Variants in TIMELESS observed in about 807,000 individuals in gnomAD.
The protein encoded by TIMELESS is timeless circadian regulator.
TIMELESS carries 124 observed loss-of-function variants against 164.3 expected under a neutral mutation model. That is an observed-to-expected ratio of 0.75 (90% CI 0.65 to 0.88). The LOEUF is 0.88. Among genes scored for constraint, TIMELESS ranks in the 40% least tolerant of loss-of-function variants. The pLI is 0.00. For synonymous variants in TIMELESS, 564 were observed against 563.4 expected, an observed-to-expected ratio of 1.00 and a Z score of -0.02; for missense variants, 1,422 against 1,491.4, an observed-to-expected ratio of 0.95 and a Z score of 0.77.
At chr12:56,432,683 G>A (rs1368572786) in intron 6 of TIMELESS, among the ~76,000 whole-genome samples, 159 bp from the exon 7 acceptor site, 3 of 152,012 alleles carry the variant, frequency 2.0e-5, no homozygotes, top group African/African-American at 4.8e-5. Context: ...GGTGGCTCAC[G>A]CCTGTAATCC....
Position 56,442,099 on chromosome 12 carries a change from A to AAAG in TIMELESS, c.-62+7210_-62+7211insCTT, listed in dbSNP as rs578081715. ...ACTCCGTCTCAAAAAAAAAAAAAAA[A>AAAG]AAAGAAATGTAGTTGCAGAAATAAA... On this transcript the variant is annotated intron_variant, in intron 1 of 28. Coordinates refer to ENST00000553532, the MANE Select transcript of TIMELESS (RefSeq NM_003920.5). 9.5e-5 allele frequency among the ~76,000 whole-genome samples: 12 copies of AAAG among 126,572 alleles called. 1 individual carries two copies. Among genetic ancestry groups the AAAG allele is most frequent in the African/African-American group, 3.1e-4 (12 of 39,136 alleles). 83.0% of individuals were successfully genotyped at this position (126,572 alleles called of 152,430 possible).
chr12:56,422,751 C>T, intron 19 of TIMELESS, 96 bp downstream of exon 19: 1 of 1,351,370 alleles, frequency 7.4e-7, no homozygotes. Flanking sequence ...AAACAGTGGG[C>T]TAAATGACAT....
rs750387818 is a variant in TIMELESS, at chr12:56,431,423, TCAGCATTC to T, written c.821+40_821+47del. 7.8e-6 allele frequency: 12 copies of T among 1,545,178 alleles called. No homozygotes were observed. The South Asian group carries it at 1.4e-4, about 18-fold the overall frequency. ...ACCTTAGAATTTGCCTTCTATGCCC[TCAGCATTC>T]CATGATGTAGGAAAAAGAACCTGCC... is the stretch of plus-strand genomic sequence containing the variant. On this transcript the variant is annotated intron_variant, in intron 8 of 28. Coordinates refer to ENST00000553532, the MANE Select transcript of TIMELESS (RefSeq NM_003920.5).
chr12:56,425,065 C>T lies in TIMELESS; in HGVS notation c.1666G>A (p.Val556Met). 1 of 1,614,248 alleles carries T rather than the reference C, an allele frequency of 6.2e-7. No individual in the cohort carries two copies. Among genetic ancestry groups the T allele is most frequent in the African/African-American group, 1.3e-5 (1 of 75,076 alleles). The change falls in exon 14 of 29, where the codon GTG becomes ATG. Residue 556 changes from valine (V) to methionine (M), a missense_variant. By Grantham distance (21) the Val-to-Met change is conservative. Transcript: ENST00000553532. ...GCCAGGGCTGGCCACACAGCCTCCA[C>T]TTCTTCTGGGCTAGATGGGACATTA... The part of the protein sequence containing the change: ...SGNVPSSPEE[V>M]EAVWPALAEQ...
intron 5 of TIMELESS, 34 bp downstream of exon 5, chr12:56,433,347 C>A (rs369083185): frequency 1.2e-6 from 2 of 1,612,362 alleles, no homozygotes; most frequent in Non-Finnish European, 1.7e-6. Context: ...AAAATGCTGT[C>A]CCATGGTATC....
intron 1 of TIMELESS, among the ~76,000 whole-genome samples, chr12:56,447,413 T>A (rs1444954391): frequency 6.6e-6 from 1 of 152,092 alleles, no homozygotes; most frequent in East Asian, 1.9e-4. Context: ...CAATAAATGC[T>A]TTACTAAATT....
Position 56,433,910 on chromosome 12 carries a change from CA to C in TIMELESS, c.113del (p.Leu38ArgfsTer5). 6.2e-7 allele frequency: 1 copy of C among 1,613,892 alleles called. No homozygotes were observed. The highest frequency in any genetic ancestry group is 2.2e-5 in the East Asian group (1 of 44,868). On this transcript the variant is annotated frameshift_variant, in exon 3 of 29. Transcript: ENST00000553532. LOFTEE classifies it high-confidence loss of function. Reference protein sequence around the residue: ...EPDCLESVKDLIRYLRHEDET... With the variant: ...EPDCLESVKDXIRYLRHEDET... ...CATCCTCATGCCTCAAATAGCGGAT[CA>C]GATCCTTCACGCTCTCTTCAGAGAC...
At chr12:56,432,307 C>T in intron 7 of TIMELESS, 62 bp downstream of exon 7, 3 of 1,543,482 alleles carry the variant, frequency 1.9e-6, no homozygotes, top group Non-Finnish European at 2.6e-6. Context: ...AAGAGCAATT[C>T]TGGCTGTACA....
rs1209709585 is a variant in TIMELESS, at chr12:56,429,019, G to A, written c.1168C>T (p.Arg390Ter). Residue 390 changes from arginine (R) to a stop codon, truncating the protein, a stop_gained, in exon 11 of 29, where the codon CGA (arginine) becomes TGA (stop). Transcript: ENST00000553532. LOFTEE classifies it high-confidence loss of function. ...WALAFFMAFNRAASFRPGLVS... is the reference protein window; with the variant it reads ...WALAFFMAFN ...AGGCCTGGCCGGAAGGAGGCAGCTC[G>A]GTTGAAGGCCATGAAGAAAGCCAAG... 7.4e-6 allele frequency: 12 copies of A among 1,613,974 alleles called. No homozygotes were observed. The highest frequency in any genetic ancestry group is 2.2e-5 in the East Asian group (1 of 44,894).
intron 26 of TIMELESS, among the ~76,000 whole-genome samples, chr12:56,420,102 T>C (rs2136131382): frequency 6.9e-6 from 1 of 145,788 alleles, no homozygotes; most frequent in East Asian, 2.0e-4. Flanking sequence ...AATGTATATA[T>C]ATATATTTAC....
chr12:56,448,550 C>A (rs902234191), intron 1 of TIMELESS, among the ~76,000 whole-genome samples: 4 of 150,644 alleles, frequency 2.7e-5, no homozygotes, highest in African/African-American at 9.8e-5. Flanking sequence ...TAAGGTGAAA[C>A]CCCCATCTCT....
intron 26 of TIMELESS, among the ~76,000 whole-genome samples, chr12:56,418,564 T>C (rs1479047047): frequency 6.6e-6 from 1 of 151,570 alleles, no homozygotes; most frequent in Non-Finnish European, 1.5e-5. Context: ...TAGGTTTTTT[T>C]GGTTGTTCTT....
At chr12:56,420,006 CAAAAAAA>C (rs57647901) in intron 26 of TIMELESS, among the ~76,000 whole-genome samples, 6 of 13,296 alleles carry the variant, frequency 4.5e-4, no homozygotes, top group Non-Finnish European at 4.5e-4. Flanking sequence ...GACTCTGTCT[CAAAAAAA>C]AAAAAAAAAA....
intron 1 of TIMELESS, among the ~76,000 whole-genome samples, chr12:56,442,784 G>A (rs1311430999): frequency 6.6e-6 from 1 of 152,192 alleles, no homozygotes; most frequent in African/African-American, 2.4e-5. Flanking sequence ...TGAAGCCACA[G>A]CAGAAGAACA....
rs917576178 is a variant in TIMELESS at position 56,432,395 on chromosome 12, T to G, written c.661A>C (p.Ile221Leu). ...EEQWSLHVLE[I>L]VSLMFRDQNP... ...TGGTCACGAAACATAAGGGAGACAA[T>G]CTCTAGCACATGTAGGCTCCATTGC... is the stretch of plus-strand genomic sequence containing the variant. Residue 221 changes from isoleucine to leucine, a missense_variant, in exon 7 of 29, where the codon ATT becomes CTT. Ile to Leu is a conservative substitution (Grantham distance 5). Transcript: ENST00000553532. 6.2e-7 allele frequency: 1 copy of G among 1,613,994 alleles called. No homozygotes were observed. The highest frequency in any genetic ancestry group is 1.3e-5 in the African/African-American group (1 of 74,996).
At chr12:56,422,729 T>C (rs759119946) in intron 19 of TIMELESS, 118 bp downstream of exon 19, 52 of 1,164,940 alleles carry the variant, frequency 4.5e-5, no homozygotes, top group Non-Finnish European at 6.1e-5. Flanking sequence ...CTCTCACCCA[T>C]AATAGGGAAA....
At chr12:56,418,413 G>A in intron 26 of TIMELESS, 54 bp from the exon 27 acceptor site, 2 of 1,323,354 alleles carry the variant, frequency 1.5e-6, no homozygotes, top group Non-Finnish European at 1.1e-6. Flanking sequence ...GTTTCCCAGA[G>A]TATGATATTC....
rs189468926 is a variant in TIMELESS, at chr12:56,443,669, G to A, written c.-62+5641C>T. On this transcript the variant is annotated intron_variant, in intron 1 of 28. Coordinates refer to ENST00000553532, the MANE Select transcript of TIMELESS (RefSeq NM_003920.5). ...CCTAATAAAAACTTGCTGGTTTTGCGGCTCAAGTCGCCATCATGGTCCTAC... is the reference window on the plus strand; with the variant it reads ...CCTAATAAAAACTTGCTGGTTTTGCAGCTCAAGTCGCCATCATGGTCCTAC... Among the ~76,000 whole-genome samples, 214 of 152,154 alleles carry A rather than the reference G, an allele frequency of 1.4e-3. 2 individuals are homozygous for A. Among genetic ancestry groups the A allele is most frequent in the African/African-American group, 3.8e-3 (156 of 41,480 alleles).
intron 10 of TIMELESS, among the ~76,000 whole-genome samples, 198 bp downstream of exon 10, chr12:56,429,907 G>T (rs537358767): frequency 1.3e-5 from 2 of 151,842 alleles, no homozygotes; most frequent in African/African-American, 4.8e-5. Flanking sequence ...AGCCTCTTTT[G>T]TCATGCCAGG....
Sources: allele counts gnomAD v4.1 joint callset (sites outside exome capture counted in the v4.1 genomes callset), GRCh38; gene constraint gnomAD v4.1.1; transcripts MANE v1.5; gene names NCBI Gene and HGNC (gene_info 2026-07-23, HGNC 2026-07-21).